The following OPCML variants were observed in gnomAD, a reference collection of about 807,000 sequenced individuals.
OPCML encodes opioid-binding protein/cell adhesion molecule.
A neutral mutation model predicts 37.8 loss-of-function variants in OPCML; 13 were observed. The ratio of observed to expected loss-of-function variants is 0.34; its 90% confidence interval spans 0.22 to 0.55. OPCML has a LOEUF of 0.55. OPCML is among the 20% of genes least tolerant of loss of function. OPCML has a pLI of 0.91. For missense variants in OPCML, 341 were observed against 435.6 expected, an observed-to-expected ratio of 0.78 and a Z score of 1.93; for synonymous variants, 176 against 168.8, an observed-to-expected ratio of 1.04 and a Z score of -0.33.
chr11:133,435,969 A>T (rs761637647), intron 1 of OPCML, among the ~76,000 whole-genome samples: 9 of 152,234 alleles, frequency 5.9e-5, no homozygotes, highest in Non-Finnish European at 8.8e-5. Flanking sequence ...AAAATTTTTA[A>T]TTAAGAGCTA....
chr11:133,423,363 CTG>C (rs1261531157), intron 1 of OPCML: 1 of 985,238 alleles, frequency 1.0e-6, no homozygotes, highest in East Asian at 1.1e-4. Context: ...CTGCAGATAA[CTG>C]AGAGTGGACA....
At chr11:133,272,650 G>A (rs531952415) in intron 1 of OPCML, among the ~76,000 whole-genome samples, 1 of 152,286 alleles carries the variant, frequency 6.6e-6, no homozygotes, top group East Asian at 1.9e-4. Flanking sequence ...AGGAGGAGGT[G>A]GATTGAGGGT....
chr11:132,986,184 G>A (rs1241533695), intron 1 of OPCML, among the ~76,000 whole-genome samples: 3 of 151,948 alleles, frequency 2.0e-5, no homozygotes, highest in Non-Finnish European at 4.4e-5. Flanking sequence ...AGCTTTCCTT[G>A]AAAATTCTAA....
intron 3 of OPCML, among the ~76,000 whole-genome samples, chr11:132,649,006 T>C (rs1440451274): frequency 6.6e-6 from 1 of 152,214 alleles, no homozygotes; most frequent in Non-Finnish European, 1.5e-5. Context: ...TGGGATGGAA[T>C]TCCAGAGGCC....
intron 1 of OPCML, among the ~76,000 whole-genome samples, chr11:133,466,428 C>G (rs144762032): frequency 1.1e-3 from 164 of 152,270 alleles, no homozygotes; most frequent in African/African-American, 3.8e-3. Context: ...AGAAGTAGAA[C>G]CGGAACCGTG....
chr11:133,212,579 A>C lies in OPCML; in HGVS notation c.62-269569T>G. On this transcript the variant is annotated intron_variant, in intron 1 of 7. Coordinates refer to ENST00000524381, the MANE Select transcript of OPCML (RefSeq NM_001012393.5). This position sits in a 1 kb window ranked among gnomAD's most constrained non-coding sequence, Gnocchi z 4.9. ...CCCCGCTGCACTCTTGATCTCCCTT[A>C]CTCTCTTTTACTTTCTCACTTGTCC... Among the ~76,000 whole-genome samples, 1 of 151,496 alleles carries C rather than the reference A, an allele frequency of 6.6e-6. No individual in the cohort carries two copies. The highest frequency in any genetic ancestry group is 2.4e-5 in the African/African-American group (1 of 41,166).
chr11:133,418,120 G>A (rs1158683709), intron 1 of OPCML: 31 of 985,288 alleles, frequency 3.1e-5, no homozygotes, highest in Non-Finnish European at 1.7e-5. Flanking sequence ...AGAATATGGC[G>A]TGAAGTCGAA....
chr11:133,149,916 C>T (rs1949953662), intron 1 of OPCML, among the ~76,000 whole-genome samples: 1 of 152,200 alleles, frequency 6.6e-6, no homozygotes, highest in African/African-American at 2.4e-5. Flanking sequence ...GTCACTATCA[C>T]TCTTCAAGAG....
chr11:132,799,285 C>T (rs1433032317), intron 2 of OPCML, among the ~76,000 whole-genome samples: 1 of 152,188 alleles, frequency 6.6e-6, no homozygotes, highest in Non-Finnish European at 1.5e-5. Context: ...CTTGCTGCAG[C>T]TTCTATGTGA....
At chr11:132,754,982 A>G (rs1239530845) in intron 2 of OPCML, among the ~76,000 whole-genome samples, 2 of 152,352 alleles carry the variant, frequency 1.3e-5, no homozygotes, top group East Asian at 3.9e-4. Context: ...CAAGCTTTGT[A>G]CCACACTAAT....
At chr11:132,975,558 A>C (rs1254209150) in intron 1 of OPCML, among the ~76,000 whole-genome samples, 19 of 58,730 alleles carry the variant, frequency 3.2e-4, no homozygotes, top group Admixed American at 7.9e-4. Flanking sequence ...AAAAAAAAAA[A>C]AAAAAAAAAA....
rs758418488 is a variant in OPCML at position 133,100,572 on chromosome 11, C to T, written c.62-157562G>A. Among the ~76,000 whole-genome samples the T allele has an allele frequency of 4.2e-4, 64 of 152,230 alleles. 1 individual carries two copies. Among genetic ancestry groups the T allele is most frequent in the Admixed American group, 1.2e-3 (18 of 15,290 alleles). On this transcript the variant is annotated intron_variant, in intron 1 of 7. Coordinates refer to ENST00000524381, the MANE Select transcript of OPCML (RefSeq NM_001012393.5). Reference sequence around the variant, plus strand: ...CACTACCTGACTTCAAGACTTACTACGAAGCTACAGTAATCAAGACTGTGA... The same window carrying T: ...CACTACCTGACTTCAAGACTTACTATGAAGCTACAGTAATCAAGACTGTGA...
intron 2 of OPCML, among the ~76,000 whole-genome samples, chr11:132,715,587 GC>G: frequency 6.6e-6 from 1 of 152,190 alleles, no homozygotes; most frequent in African/African-American, 2.4e-5. Context: ...TGGGATTAGT[GC>G]TTTTTAAAAA....
chr11:132,428,552 A>G (rs2095985359), intron 7 of OPCML, among the ~76,000 whole-genome samples: 1 of 152,188 alleles, frequency 6.6e-6, no homozygotes, highest in Non-Finnish European at 1.5e-5. Context: ...AGAGTCCAGA[A>G]AGTATGCACT....
chr11:133,412,311 C>T (rs1161511915), intron 1 of OPCML, among the ~76,000 whole-genome samples: 1 of 152,160 alleles, frequency 6.6e-6, no homozygotes, highest in Non-Finnish European at 1.5e-5. Context: ...ACTAGGGGAA[C>T]AAGAGAATCA....
chr11:132,464,461 T>C (rs765220999), intron 4 of OPCML, among the ~76,000 whole-genome samples: 1 of 152,228 alleles, frequency 6.6e-6, no homozygotes, highest in Non-Finnish European at 1.5e-5. Context: ...GCAAGAACTA[T>C]GCTTAGTTCA....
intron 1 of OPCML, among the ~76,000 whole-genome samples, chr11:133,277,331 A>G (rs1942022175): frequency 6.6e-6 from 1 of 152,224 alleles, no homozygotes; most frequent in Non-Finnish European, 1.5e-5. Context: ...CAATTGGTTA[A>G]CATGAGTCAT....
intron 1 of OPCML, among the ~76,000 whole-genome samples, chr11:132,945,666 T>C (rs1200672550): frequency 6.6e-6 from 1 of 152,120 alleles, no homozygotes; most frequent in African/African-American, 2.4e-5. Context: ...TTATACACTT[T>C]GAATTATTTT....
intron 4 of OPCML, among the ~76,000 whole-genome samples, chr11:132,477,216 T>C (rs150071022): frequency 3.3e-5 from 5 of 152,238 alleles, no homozygotes; most frequent in Middle Eastern, 3.4e-3. Flanking sequence ...CAAGTCCCCA[T>C]ACACCCATCT....
Sources: allele counts gnomAD v4.1 joint callset (sites outside exome capture counted in the v4.1 genomes callset), GRCh38; gene constraint gnomAD v4.1.1; non-coding constraint Gnocchi (gnomAD v3.1); transcripts MANE v1.5; gene names NCBI Gene and HGNC (gene_info 2026-07-23, HGNC 2026-07-21).